Variants in SNX2 observed in about 807,000 individuals in gnomAD.
SNX2 encodes the protein sorting nexin-2.
In SNX2, 25 loss-of-function variants were observed where a neutral mutation model predicts 69.9. That is an observed-to-expected ratio of 0.36 (90% CI 0.26 to 0.50). The LOEUF is 0.50. SNX2 is among the 20% of genes least tolerant of loss of function. The pLI, the probability that SNX2 is intolerant of heterozygous loss-of-function variation, is 0.97. For missense variants in SNX2, 551 were observed against 613.3 expected, an observed-to-expected ratio of 0.90 and a Z score of 1.07; for synonymous variants, 229 against 200.4, an observed-to-expected ratio of 1.14 and a Z score of -1.20.
At chr5:122,806,142 G>GCGCACGCGCACGCACACACACA in intron 6 of SNX2, among the ~76,000 whole-genome samples, 2 of 130,654 alleles carry the variant, frequency 1.5e-5, no homozygotes, top group African/African-American at 5.8e-5. Context: ...ACACGCGCGC[G>GCGCACGCGCACGCACACACACA]CACACACACA....
At chr5:122,816,869 A>C in intron 8 of SNX2, 46 bp from the exon 9 acceptor site, 3 of 1,177,980 alleles carry the variant, frequency 2.5e-6, no homozygotes, top group Non-Finnish European at 3.8e-6. Flanking sequence ...TTAAACCTCC[A>C]GGCTTTTAAC....
chr5:122,788,740 TTTTC>T (rs148779775), intron 1 of SNX2, among the ~76,000 whole-genome samples: 3,055 of 152,302 alleles, frequency 0.02, 100 homozygotes, highest in African/African-American at 0.07. Flanking sequence ...TAACATTTTG[TTTTC>T]TTTCTTCTTT....
At chr5:122,784,113 C>A (rs990868101) in intron 1 of SNX2, among the ~76,000 whole-genome samples, 2 of 151,714 alleles carry the variant, frequency 1.3e-5, no homozygotes, top group Non-Finnish European at 1.5e-5. Flanking sequence ...TAAACACTTA[C>A]TAGGTTTAGT....
chr5:122,820,101 TAC>T (rs1475358955), intron 11 of SNX2, among the ~76,000 whole-genome samples: 1 of 152,224 alleles, frequency 6.6e-6, no homozygotes, highest in African/African-American at 2.4e-5. Context: ...GCTTGTGATG[TAC>T]AGAGATCCAG....
chr5:122,775,818 A>G (rs773461051), intron 1 of SNX2: 501 of 969,408 alleles, frequency 5.2e-4, no homozygotes, highest in Non-Finnish European at 5.8e-4. Context: ...TTAAAAGGTC[A>G]TAGTATTTAT....
intron 3 of SNX2, among the ~76,000 whole-genome samples, chr5:122,800,459 A>T (rs115761230): frequency 2.3e-3 from 346 of 152,312 alleles, no homozygotes; most frequent in African/African-American, 8.1e-3. Context: ...AAGGGAAATA[A>T]GTAAGACATA....
intron 1 of SNX2, among the ~76,000 whole-genome samples, chr5:122,788,273 A>G (rs1200503273): frequency 6.6e-6 from 1 of 152,134 alleles, no homozygotes; most frequent in Non-Finnish European, 1.5e-5. Context: ...TCCCCTGTAA[A>G]AATACGTTGT....
At chr5:122,827,780 T>A in intron 14 of SNX2, 134 bp downstream of exon 14, 1 of 671,548 alleles carries the variant, frequency 1.5e-6, no homozygotes, top group Non-Finnish European at 2.6e-6. Flanking sequence ...CCAGTGATGG[T>A]AAAGGATAAA....
intron 8 of SNX2, 52 bp downstream of exon 8, chr5:122,816,023 T>C: frequency 2.1e-6 from 2 of 953,430 alleles, no homozygotes; most frequent in Non-Finnish European, 3.3e-6. Context: ...TTATTTGTCA[T>C]TGTAATGTAT....
At chr5:122,790,506 C>T (rs1299615691) in intron 1 of SNX2, among the ~76,000 whole-genome samples, 1 of 152,156 alleles carries the variant, frequency 6.6e-6, no homozygotes, top group Non-Finnish European at 1.5e-5. Context: ...ATAGACTGCT[C>T]AGCATCTGAC....
chr5:122,832,203 A>G lies in SNX2; in HGVS notation c.*2555A>G, dbSNP rs1172965345. On this transcript the variant is annotated 3_prime_UTR_variant, in exon 15 of 15. Coordinates refer to ENST00000379516, the MANE Select transcript of SNX2 (RefSeq NM_003100.4). ...CAAGCTGAACTTGGGATCAGCATAC[A>G]TTTGTTCAGTCTTGTTTCATTTAGT... Among the ~76,000 whole-genome samples, 2 of 152,190 alleles carry G rather than the reference A, an allele frequency of 1.3e-5. No homozygotes were observed. Among genetic ancestry groups the G allele is most frequent in the East Asian group, 1.9e-4 (1 of 5,204 alleles).
intron 6 of SNX2, among the ~76,000 whole-genome samples, chr5:122,806,706 C>G (rs1753666311): frequency 6.6e-6 from 1 of 152,086 alleles, no homozygotes; most frequent in South Asian, 2.1e-4. Context: ...CAGTGAAGAA[C>G]TACCCAGTGG....
chr5:122,811,676 A>C (rs943863171), intron 7 of SNX2, among the ~76,000 whole-genome samples: 27 of 151,934 alleles, frequency 1.8e-4, no homozygotes, highest in Admixed American at 1.3e-3. Flanking sequence ...CTAAAAATAC[A>C]AAAAATTGGC....
chr5:122,824,420 A>G (rs1754108906), intron 11 of SNX2, among the ~76,000 whole-genome samples: 1 of 152,150 alleles, frequency 6.6e-6, no homozygotes, highest in Admixed American at 6.5e-5. Flanking sequence ...TTGGATTTTA[A>G]TAAGGGATGT....
chr5:122,794,857 A>T (rs992660347), intron 1 of SNX2, among the ~76,000 whole-genome samples: 2 of 151,736 alleles, frequency 1.3e-5, no homozygotes, highest in African/African-American at 2.4e-5. Context: ...CTCTACAAAA[A>T]ATAAATAAAT....
intron 1 of SNX2, among the ~76,000 whole-genome samples, chr5:122,781,572 A>T (rs1164833764): frequency 6.6e-6 from 1 of 152,186 alleles, no homozygotes; most frequent in African/African-American, 2.4e-5. Context: ...CTTAATTTTA[A>T]ATAAACTGCC....
chr5:122,800,513 ATAAAAG>A (rs1414217507), intron 3 of SNX2, among the ~76,000 whole-genome samples: 1 of 152,210 alleles, frequency 6.6e-6, no homozygotes, highest in African/African-American at 2.4e-5. Context: ...TTAAAAACAG[ATAAAAG>A]TAAAGTACAG....
intron 2 of SNX2, among the ~76,000 whole-genome samples, chr5:122,797,164 A>G (rs912261591): frequency 1.3e-5 from 2 of 152,144 alleles, no homozygotes; most frequent in Non-Finnish European, 2.9e-5. Flanking sequence ...CTGGCCTCAA[A>G]CAGTCCTCCC....
rs538713274 is a variant in SNX2 at position 122,778,457 on chromosome 5, T to G, written c.108+3246T>G. Among the ~76,000 whole-genome samples the G allele has an allele frequency of 1.4e-4, 21 of 152,270 alleles. No individual in the cohort carries two copies. In the South Asian group the frequency reaches 4.4e-3, roughly 32 times the overall value. The stretch of plus-strand genomic sequence containing the variant: ...CATCAGCAGCAGTGTATAAGATAAC[T>G]CCTTTCTCCACATCTTTGCTAGCAT... On this transcript the variant is annotated intron_variant, in intron 1 of 14. Transcript: ENST00000379516.
Sources: allele counts gnomAD v4.1 joint callset (sites outside exome capture counted in the v4.1 genomes callset), GRCh38; gene constraint gnomAD v4.1.1; transcripts MANE v1.5; gene names NCBI Gene and HGNC (gene_info 2026-07-23, HGNC 2026-07-21).